IQCM: variants seen among roughly 807,000 people sequenced by gnomAD.
IQCM encodes IQ motif containing M, also known as IQ domain-containing protein M.
A neutral mutation model predicts 57.6 loss-of-function variants in IQCM; 45 were observed. The ratio of observed to expected loss-of-function variants is 0.78; its 90% confidence interval spans 0.62 to 1.00. The LOEUF is 1.00. Among genes scored for constraint, IQCM ranks in the 50% least tolerant of loss-of-function variants. IQCM has a pLI of 0.00. For synonymous variants in IQCM, 148 were observed against 158.9 expected, an observed-to-expected ratio of 0.93 and a Z score of 0.51; for missense variants, 468 against 511.6, an observed-to-expected ratio of 0.91 and a Z score of 0.82.
rs575201585 is a variant in IQCM, at chr4:149,723,563, A to C, written c.385+9681T>G. On this transcript the variant is annotated intron_variant, in intron 5 of 13. Transcript: ENST00000636793. Reference sequence around the variant, plus strand: ...AGATAATCATATGGTTTTTGTTTTTAAGTCTGTTTATGTGGTGAATCACAC... The same window carrying C: ...AGATAATCATATGGTTTTTGTTTTTCAGTCTGTTTATGTGGTGAATCACAC... 3.3e-5 allele frequency among the ~76,000 whole-genome samples: 5 copies of C among 151,884 alleles called. No individual in the cohort carries two copies. The South Asian group carries it at 1.0e-3, about 32-fold the overall frequency.
intron 9 of IQCM, among the ~76,000 whole-genome samples, chr4:149,571,657 T>A (rs2149960699): frequency 6.6e-6 from 1 of 152,214 alleles, no homozygotes; most frequent in South Asian, 2.1e-4. Flanking sequence ...ATAAAAATAA[T>A]AACTATGTAA....
intron 12 of IQCM, among the ~76,000 whole-genome samples, chr4:149,501,690 A>G (rs1314255034): frequency 6.6e-6 from 1 of 152,242 alleles, no homozygotes; most frequent in African/African-American, 2.4e-5. Flanking sequence ...AAGAAACATT[A>G]GAAACATCAG....
At chr4:149,477,126 T>C (rs1482221190) in intron 12 of IQCM, among the ~76,000 whole-genome samples, 1 of 152,122 alleles carries the variant, frequency 6.6e-6, no homozygotes, top group Non-Finnish European at 1.5e-5. Context: ...CTTAAACCTA[T>C]CAAAAGACAT....
chr4:149,372,790 T>C lies in IQCM; in HGVS notation c.1391-20724A>G, dbSNP rs185174423. 2.0e-3 allele frequency among the ~76,000 whole-genome samples: 299 copies of C among 152,274 alleles called. 3 individuals are homozygous for C. The highest frequency in any genetic ancestry group is 0.017 in the Admixed American group (256 of 15,274). On this transcript the variant is annotated intron_variant, in intron 13 of 13. Coordinates refer to ENST00000636793, the MANE Select transcript of IQCM (RefSeq NM_001363507.2). Reference sequence around the variant, plus strand: ...TTTTCCTTACTTCATTCTATTGTCATAGTTCCTTGGTTTTGAGGGACAAAA... The same window carrying C: ...TTTTCCTTACTTCATTCTATTGTCACAGTTCCTTGGTTTTGAGGGACAAAA...
chr4:149,804,105 C>T (rs941679558), intron 2 of IQCM, among the ~76,000 whole-genome samples: 1 of 151,900 alleles, frequency 6.6e-6, no homozygotes, highest in Non-Finnish European at 1.5e-5. Context: ...GTTGGTTAGG[C>T]TTTTGTAAAA....
rs111546493 is a variant in IQCM, at chr4:149,415,846, C to A, written c.1390+17550G>T. On this transcript the variant is annotated intron_variant, in intron 13 of 13. Transcript: ENST00000636793. ...TAGAAAAGCTGAACTGGGTAAAAAG[C>A]CTGCTAGTACACACTTGGACACAGG... is the stretch of plus-strand genomic sequence containing the variant. Among the ~76,000 whole-genome samples, 565 of 151,952 alleles carry A rather than the reference C, an allele frequency of 3.7e-3. 1 individual carries two copies. Among genetic ancestry groups the A allele is most frequent in the Admixed American group, 5.0e-3 (76 of 15,256 alleles).
chr4:149,733,342 C>T lies in IQCM; in HGVS notation c.287G>A (p.Ser96Asn), dbSNP rs1766638878. ...TTGTGGGGGTTCCTGAAGATGCTCG[C>T]TTTTGGAAAGCTCCTTGGGAAAGCA... The part of the protein sequence containing the change: ...RICFPKELSK[S>N]EHLQEPPQRI... Residue 96 changes from serine (S) to asparagine (N), a missense_variant, in exon 5 of 14, where the codon AGC becomes AAC. Coordinates refer to ENST00000636793, the MANE Select transcript of IQCM (RefSeq NM_001363507.2). 8.1e-7 allele frequency: 1 copy of T among 1,231,752 alleles called. No individual in the cohort carries two copies. The highest frequency in any genetic ancestry group is 1.0e-6 in the Non-Finnish European group (1 of 987,736). The allele number at this position is 1,231,752 out of a possible 1,614,324, so 76.3% of individuals were successfully genotyped here.
chr4:149,358,450 T>C (rs1194897771), intron 13 of IQCM, among the ~76,000 whole-genome samples: 1 of 152,230 alleles, frequency 6.6e-6, no homozygotes, highest in Admixed American at 6.5e-5. Flanking sequence ...GTTGTGTCTT[T>C]GTTCTTGTTG....
At chr4:149,410,356 A>C (rs1388898554) in intron 13 of IQCM, among the ~76,000 whole-genome samples, 1 of 151,902 alleles carries the variant, frequency 6.6e-6, no homozygotes, top group African/African-American at 2.4e-5. Flanking sequence ...GGTGGCCTTA[A>C]ATTATCAAAA....
chr4:149,640,169 A>C (rs1758064318), intron 7 of IQCM, among the ~76,000 whole-genome samples: 1 of 152,214 alleles, frequency 6.6e-6, no homozygotes, highest in African/African-American at 2.4e-5. Flanking sequence ...GTGTGGGTAC[A>C]TAGTAGGCAT....
intron 2 of IQCM, among the ~76,000 whole-genome samples, chr4:149,793,171 C>T (rs758341333): frequency 6.6e-6 from 1 of 152,116 alleles, no homozygotes; most frequent in African/African-American, 2.4e-5. Flanking sequence ...AGATAGCTAC[C>T]TTCTGCCTGA....
At chr4:149,555,878 A>C (rs564476287) in intron 10 of IQCM, among the ~76,000 whole-genome samples, 1 of 152,310 alleles carries the variant, frequency 6.6e-6, no homozygotes. Flanking sequence ...CTTTTGGGGA[A>C]CACAACCTAT....
chr4:149,490,112 G>T (rs1741934254), intron 12 of IQCM, among the ~76,000 whole-genome samples: 1 of 151,976 alleles, frequency 6.6e-6, no homozygotes, highest in Non-Finnish European at 1.5e-5. Context: ...ATAGGTTGGA[G>T]AAATAAGTTG....
At chr4:149,454,065 A>G (rs1737412366) in intron 12 of IQCM, among the ~76,000 whole-genome samples, 1 of 151,134 alleles carries the variant, frequency 6.6e-6, no homozygotes, top group African/African-American at 2.4e-5. Context: ...ATTTTGACAC[A>G]TGCACGTGTA....
intron 13 of IQCM, among the ~76,000 whole-genome samples, chr4:149,388,428 C>A (rs1387820649): frequency 6.7e-6 from 1 of 149,026 alleles, no homozygotes; most frequent in Non-Finnish European, 1.5e-5. Context: ...TTTTGATTTT[C>A]ATTTCCCTAA....
At chr4:149,479,033 CTT>C (rs1318037223) in intron 12 of IQCM, among the ~76,000 whole-genome samples, 7 of 151,992 alleles carry the variant, frequency 4.6e-5, no homozygotes, top group Admixed American at 4.6e-4. Flanking sequence ...AGAATAAAAA[CTT>C]TTGACAGAAT....
intron 13 of IQCM, among the ~76,000 whole-genome samples, chr4:149,357,714 G>T (rs1384266341): frequency 6.6e-6 from 1 of 152,094 alleles, no homozygotes; most frequent in Non-Finnish European, 1.5e-5. Context: ...CTCTTTTATT[G>T]TTGTGTCTCT....
At chr4:149,505,072 G>A (rs375737687) in intron 12 of IQCM, among the ~76,000 whole-genome samples, 1 of 152,074 alleles carries the variant, frequency 6.6e-6, no homozygotes, top group Admixed American at 6.6e-5. Flanking sequence ...CCTGTCTATA[G>A]TGTTCTGTTA....
intron 7 of IQCM, among the ~76,000 whole-genome samples, chr4:149,633,925 A>G (rs761805027): frequency 4.6e-5 from 7 of 152,334 alleles, no homozygotes; most frequent in African/African-American, 1.7e-4. Flanking sequence ...TGACTATGTG[A>G]TAACAAAGAT....
Sources: gnomAD v4.1 joint callset for allele counts (sites outside exome capture counted in the v4.1 genomes callset) on GRCh38, gnomAD v4.1.1 for gene constraint, MANE v1.5 for transcripts, NCBI Gene and HGNC (gene_info 2026-07-23, HGNC 2026-07-21) for gene names.